The following SETD1B variants were observed in gnomAD, a reference collection of about 807,000 sequenced individuals.
SETD1B encodes histone-lysine N-methyltransferase SETD1B.
Under a neutral mutation model 148.0 loss-of-function variants are expected in SETD1B, and 7 were observed. The observed-to-expected ratio is 0.05, with a 90% confidence interval of 0.03 to 0.09. SETD1B has a LOEUF of 0.09. Among genes scored for constraint, SETD1B ranks in the 10% least tolerant of loss-of-function variants. The pLI, the probability that SETD1B is intolerant of heterozygous loss-of-function variation, is 1.00. For synonymous variants in SETD1B, 1,361 were observed against 1,186.5 expected (o/e 1.15, Z -3.02); for missense variants, 2,155 against 2,729.9 (o/e 0.79, Z 4.69).
chr12:121,824,457 G>T (rs971827678), intron 12 of SETD1B, among the ~76,000 whole-genome samples: 43 of 152,272 alleles, frequency 2.8e-4, no homozygotes, highest in African/African-American at 9.6e-4. Flanking sequence ...GACCAGCCTG[G>T]CCAACATGGC....
At chr12:121,825,085 A>T in intron 12 of SETD1B, 115 bp from the exon 13 acceptor site, 1 of 1,075,566 alleles carries the variant, frequency 9.3e-7, no homozygotes, top group Non-Finnish European at 1.3e-6. Context: ...GGGAGTGGGC[A>T]GTAGAACTGG....
intron 10 of SETD1B, 126 bp from the exon 11 acceptor site, chr12:121,819,278 C>T: frequency 6.7e-7 from 1 of 1,483,228 alleles, no homozygotes; most frequent in Non-Finnish European, 8.9e-7. Context: ...ACACATGCCC[C>T]ACACACATAT....
chr12:121,825,374 C>T lies in SETD1B; in HGVS notation c.5337+8C>T. 4.5e-6 allele frequency: 7 copies of T among 1,547,642 alleles called. No individual in the cohort carries two copies. The highest frequency in any genetic ancestry group is 6.1e-6 in the Non-Finnish European group (7 of 1,146,786). On this transcript the variant is annotated splice_region_variant and intron_variant, in intron 13 of 16. Transcript: ENST00000604567. The stretch of plus-strand genomic sequence containing the variant: ...CCCCCCGCAGACACCCAGGTACTGC[C>T]AGGGCTCCTGGACACATCAGAGCCT...
At chr12:121,824,979 CAAAAAAA>C (rs780514725) in intron 12 of SETD1B, among the ~76,000 whole-genome samples, 4 of 57,182 alleles carry the variant, frequency 7.0e-5, no homozygotes, top group Non-Finnish European at 1.1e-4. Flanking sequence ...GACCCTGTCT[CAAAAAAA>C]AAAAAAAAAA....
At chr12:121,829,074 GC>G (rs1876973005) in intron 16 of SETD1B, among the ~76,000 whole-genome samples, 1 of 151,760 alleles carries the variant, frequency 6.6e-6, no homozygotes, top group African/African-American at 2.4e-5. Context: ...AGCAAGGGAG[GC>G]AGTGGGCATG....
In SETD1B at chr12:121,817,538, C is replaced by T. The variant is rs907534249; in HGVS notation, c.3146C>T (p.Ala1049Val). The T allele has an allele frequency of 7.1e-6, 11 of 1,551,410 alleles. No homozygotes were observed. Among genetic ancestry groups the T allele is most frequent in the African/African-American group, 1.4e-5 (1 of 73,040 alleles). The change falls in exon 9 of 17, where the codon GCG becomes GTG. Residue 1049 changes from alanine to valine, a missense_variant. Ala to Val is a moderately conservative substitution (Grantham distance 64). Transcript: ENST00000604567. This position sits in a 1 kb window ranked among gnomAD's most constrained non-coding sequence, Gnocchi z 8.1. ...TTGTCGGCGTCCTCGTCCTCATCCGCGTCATCATCCTCGGGGTCCTCAACC... is the reference window on the plus strand; with the variant it reads ...TTGTCGGCGTCCTCGTCCTCATCCGTGTCATCATCCTCGGGGTCCTCAACC... The part of the protein sequence containing the change: ...ESLSASSSSS[A>V]SSSSGSSTTS...
In SETD1B at chr12:121,818,016, C is replaced by T. The variant is rs1317500396; in HGVS notation, c.3418+112C>T. 1.1e-5 allele frequency: 12 copies of T among 1,117,738 alleles called. No homozygotes were observed. The South Asian group carries it at 1.5e-4, about 14-fold the overall frequency. The allele number at this position is 1,117,738 out of a possible 1,614,324, so 69.2% of individuals were successfully genotyped here. Reference sequence around the variant, plus strand: ...GAGCCAAAATGTTGTGCTTTTGAGACGTTACCTTGTTAAAACACACACACA... The same window carrying T: ...GAGCCAAAATGTTGTGCTTTTGAGATGTTACCTTGTTAAAACACACACACA... On this transcript the variant is annotated intron_variant, in intron 10 of 16. Coordinates refer to ENST00000604567, the MANE Select transcript of SETD1B (RefSeq NM_001353345.2).
Position 121,827,548 on chromosome 12 carries a change from C to T in SETD1B, c.5367C>T (p.Ala1789=). 6.5e-7 allele frequency: 1 copy of T among 1,547,278 alleles called. No individual in the cohort carries two copies. The highest frequency in any genetic ancestry group is 2.0e-5 in the Admixed American group (1 of 50,972). The change falls in exon 14 of 17, where the codon GCC becomes GCT. Residue 1789 remains alanine (A), a synonymous_variant. Transcript: ENST00000604567. The stretch of plus-strand genomic sequence containing the variant: ...TGAGCATCCCAGCACAGCCCCACGC[C>T]TCCACCCGGGCAGGCTCGGAGCGGC... ...QGMSIPAQPH[A]STRAGSERRS... is the part of the protein sequence containing the mutation.
intron 11 of SETD1B, among the ~76,000 whole-genome samples, chr12:121,820,740 A>G (rs1010397645): frequency 6.6e-6 from 1 of 152,152 alleles, no homozygotes; most frequent in Admixed American, 6.6e-5. Context: ...TCTCCGCGTT[A>G]GCCAGGATGG....
chr12:121,805,340 G>A lies in SETD1B; in HGVS notation c.273+124G>A. 1.4e-5 allele frequency: 11 copies of A among 800,976 alleles called. No homozygotes were observed. In the South Asian group the frequency reaches 1.8e-4, roughly 13 times the overall value. 49.6% of individuals were successfully genotyped at this position (800,976 alleles called of 1,614,324 possible). A position where few individuals can be genotyped will look rare whatever the true frequency, so the allele number is the denominator to read the frequency against. On this transcript the variant is annotated intron_variant, in intron 3 of 16. Transcript: ENST00000604567. The surrounding 1 kb of genome is among the most constrained non-coding windows in gnomAD (Gnocchi z 4.2). ...GCCGTCCGGGGCCAGGGAAGTTTTG[G>A]CGGGGAGGGGTAGAGCGCTGGCGAG...
intron 11 of SETD1B, 127 bp downstream of exon 11, chr12:121,820,022 G>A: frequency 2.5e-6 from 2 of 803,134 alleles, no homozygotes; most frequent in Non-Finnish European, 3.9e-6. Flanking sequence ...TGTAAAACGA[G>A]ATCAGCCGGT....
chr12:121,825,225 G>C lies in SETD1B; in HGVS notation c.5196G>C (p.Lys1732Asn). 1 of 1,551,688 alleles carries C rather than the reference G, an allele frequency of 6.4e-7. No individual in the cohort carries two copies. The highest frequency in any genetic ancestry group is 8.7e-7 in the Non-Finnish European group (1 of 1,147,010). ...CCACCAGCCTCTCTTCAGCTAAGAA[G>C]AAGAAACGGGACGATGGCATCCGCG... is the stretch of plus-strand genomic sequence containing the variant. The part of the protein sequence containing the change: ...HPSTSLSSAK[K>N]KKRDDGIREH... The change falls in exon 13 of 17, where the codon AAG (lysine) becomes AAC (asparagine). Residue 1732 changes from lysine (K) to asparagine (N), a missense_variant. By Grantham distance (94) the Lys-to-Asn change is moderately conservative. Transcript: ENST00000604567.
chr12:121,814,358 C>T lies in SETD1B; in HGVS notation c.2143C>T (p.Pro715Ser). The T allele has an allele frequency of 1.4e-6, 1 of 707,976 alleles. No homozygotes were observed. Among genetic ancestry groups the T allele is most frequent in the Non-Finnish European group, 2.2e-6 (1 of 462,754 alleles). 43.9% of individuals were successfully genotyped at this position (707,976 alleles called of 1,614,324 possible). A position where few individuals can be genotyped will look rare whatever the true frequency, so the allele number is the denominator to read the frequency against. ...CCCACCGCTGCCCCCACCGCCGCCC[C>T]CACCCCCTCCAGCCCACCCTGCTGT... Reference protein sequence around the residue: ...MPPPLPPPPPPPPPAHPAVTV... With the variant: ...MPPPLPPPPPSPPPAHPAVTV... Residue 715 changes from proline (P) to serine (S), a missense_variant, in exon 7 of 17, where the codon CCA (proline) becomes TCA (serine). Coordinates refer to ENST00000604567, the MANE Select transcript of SETD1B (RefSeq NM_001353345.2).
Position 121,819,817 on chromosome 12 carries a change from G to C in SETD1B, c.3832G>C (p.Gly1278Arg). The C allele has an allele frequency of 6.4e-7, 1 of 1,551,626 alleles. No homozygotes were observed. The highest frequency in any genetic ancestry group is 8.7e-7 in the Non-Finnish European group (1 of 1,146,964). ...TGAGGAACCAGGCCTGAGCCAGGAA[G>C]GGGCCATGTTGCTGTCTCCAGAGCC... ...PPEEPGLSQE[G>R]AMLLSPEPPA... The change falls in exon 11 of 17, where the codon GGG becomes CGG. Residue 1278 changes from glycine (G) to arginine (R), a missense_variant. Around this residue, in one of 11 missense-constraint regions of SETD1B, gnomAD observed 862 missense variants for 873.8 expected, o/e 0.99. Transcript: ENST00000604567.
chr12:121,824,318 T>C (rs1263873518), intron 12 of SETD1B, among the ~76,000 whole-genome samples: 1 of 152,198 alleles, frequency 6.6e-6, no homozygotes, highest in Non-Finnish European at 1.5e-5. Flanking sequence ...CCTGCTGTAT[T>C]AGACTGATTT....
the SETD1B span, chr12:121,793,127 CCCCCCGGCGCGCAG>C: frequency 2.6e-6 from 4 of 1,539,370 alleles, no homozygotes; most frequent in African/African-American, 5.5e-5. Flanking sequence ...GACCCTCGGG[CCCCCCGGCGCGCAG>C]GCGCACTCAC....
chr12:121,819,826 T>A lies in SETD1B; in HGVS notation c.3841T>A (p.Leu1281Met), dbSNP rs773265866. 7.7e-6 allele frequency: 12 copies of A among 1,551,438 alleles called. No individual in the cohort carries two copies. Among genetic ancestry groups the A allele is most frequent in the Non-Finnish European group, 1.0e-5 (12 of 1,146,948 alleles). Residue 1281 changes from leucine (L) to methionine (M), a missense_variant, in exon 11 of 17, where the codon TTG (leucine) becomes ATG (methionine). By Grantham distance (15) the Leu-to-Met change is conservative. Coordinates refer to ENST00000604567, the MANE Select transcript of SETD1B (RefSeq NM_001353345.2). ...AGGCCTGAGCCAGGAAGGGGCCATGTTGCTGTCTCCAGAGCCCCCTGCCAA... is the reference window on the plus strand; with the variant it reads ...AGGCCTGAGCCAGGAAGGGGCCATGATGCTGTCTCCAGAGCCCCCTGCCAA... ...EPGLSQEGAM[L>M]LSPEPPAKEV...
rs1479456351 is a variant in SETD1B at position 121,805,878 on chromosome 12, C to T, written c.317C>T (p.Thr106Ile). Residue 106 changes from threonine (T) to isoleucine (I), a missense_variant, in exon 4 of 17, where the codon ACA becomes ATA. Around this residue, in one of 11 missense-constraint regions of SETD1B, gnomAD observed 124 missense variants for 282.9 expected, o/e 0.44. Coordinates refer to ENST00000604567, the MANE Select transcript of SETD1B (RefSeq NM_001353345.2). The surrounding 1 kb of genome is among the most constrained non-coding windows in gnomAD (Gnocchi z 4.2). ...YVGPVPPKQV[T>I]FAKLNDNIRE... is the part of the protein sequence containing the mutation. Reference sequence around the variant, plus strand: ...GGCCCGGTGCCTCCGAAGCAGGTGACATTTGCCAAGCTGAATGATAACATC... The same window carrying T: ...GGCCCGGTGCCTCCGAAGCAGGTGATATTTGCCAAGCTGAATGATAACATC... The T allele has an allele frequency of 1.9e-6, 3 of 1,551,420 alleles. No homozygotes were observed. The highest frequency in any genetic ancestry group is 1.2e-5 in the South Asian group (1 of 84,060).
At chr12:121,794,795 C>T in the SETD1B span, among the ~76,000 whole-genome samples, 2 of 151,972 alleles carry the variant, frequency 1.3e-5, no homozygotes, top group African/African-American at 4.8e-5. Context: ...CCCCTGGAGC[C>T]GGTCCACGGC....
Sources: allele counts gnomAD v4.1 joint callset (sites outside exome capture counted in the v4.1 genomes callset), GRCh38; gene constraint gnomAD v4.1.1; regional missense constraint gnomAD v4.1.1; non-coding constraint Gnocchi (gnomAD v3.1); transcripts MANE v1.5; gene names NCBI Gene and HGNC (gene_info 2026-07-23, HGNC 2026-07-21).